Variants in NOS1 observed in about 807,000 individuals in gnomAD.
NOS1 encodes nitric oxide synthase 1, also known as NOS type I.
Under a neutral mutation model 164.5 loss-of-function variants are expected in NOS1, and 51 were observed. That is an observed-to-expected ratio of 0.31 (90% CI 0.25 to 0.39). NOS1 has a LOEUF of 0.39. NOS1 is among the 10% of genes least tolerant of loss of function. The pLI is 1.00. For missense variants in NOS1, 1,362 were observed against 1,885.6 expected, an observed-to-expected ratio of 0.72 and a Z score of 5.14; for synonymous variants, 719 against 745.8, an observed-to-expected ratio of 0.96 and a Z score of 0.59.
chr12:117,225,929 C>A (rs2135932552), intron 24 of NOS1, among the ~76,000 whole-genome samples: 1 of 152,276 alleles, frequency 6.6e-6, no homozygotes, highest in East Asian at 1.9e-4. Context: ...GCGCCCAGCC[C>A]AGAGCCACTG....
intron 2 of NOS1, among the ~76,000 whole-genome samples, chr12:117,312,081 C>T (rs143060470): frequency 4.6e-5 from 7 of 152,150 alleles, no homozygotes; most frequent in African/African-American, 1.7e-4. Flanking sequence ...CTAAGACTTT[C>T]GGCTTTGAAC....
intron 4 of NOS1, 104 bp downstream of exon 4, chr12:117,290,194 C>G: frequency 7.0e-7 from 1 of 1,420,276 alleles, no homozygotes; most frequent in East Asian, 2.4e-5. Flanking sequence ...GTGCTCAACA[C>G]CCTACAACAG....
At chr12:117,322,333 C>T (rs1875002242) in intron 2 of NOS1, among the ~76,000 whole-genome samples, 2 of 138,100 alleles carry the variant, frequency 1.4e-5, no homozygotes, top group Non-Finnish European at 3.1e-5. Flanking sequence ...TTCCCTCCTT[C>T]CTTCCCTCCC....
In NOS1 at chr12:117,209,642, T is replaced by C. The variant is rs998563659; in HGVS notation, c.*5667A>G. ...ACTCATATAAACATACTAAGGCATA[T>C]TGACAGCTGACCACCTCCCTCGCAC... is the stretch of plus-strand genomic sequence containing the variant. On this transcript the variant is annotated 3_prime_UTR_variant, in exon 29 of 29. Transcript: ENST00000317775. 6.1e-6 allele frequency: 6 copies of C among 985,368 alleles called. No individual in the cohort carries two copies. The African/African-American group carries it at 8.7e-5, about 14-fold the overall frequency. 61.0% of individuals were successfully genotyped at this position (985,368 alleles called of 1,614,324 possible). A position where few individuals can be genotyped will look rare whatever the true frequency, so the allele number is the denominator to read the frequency against.
chr12:117,311,712 G>A, intron 2 of NOS1, 120 bp from the exon 3 acceptor site: 1 of 1,090,266 alleles, frequency 9.2e-7, no homozygotes, highest in Non-Finnish European at 1.3e-6. Context: ...AACTCCATAT[G>A]AGCCAGCGAG....
Position 117,231,957 on chromosome 12 carries a change from C to T in NOS1, c.3405+5G>A. 6.2e-7 allele frequency: 1 copy of T among 1,610,562 alleles called. No homozygotes were observed. Among genetic ancestry groups the T allele is most frequent in the Non-Finnish European group, 8.5e-7 (1 of 1,178,760 alleles). ...CCTAGGGTTGTGCGAAGCCTGGGGA[C>T]CCACCTTGCTGAGGACCAGCAGACG... On this transcript the variant is annotated splice_donor_5th_base_variant and intron_variant, in intron 22 of 28. Transcript: ENST00000317775.
intron 12 of NOS1, 24 bp from the exon 13 acceptor site, chr12:117,263,998 TGGTCACTCACTGCAGTGA>T: frequency 1.3e-6 from 2 of 1,599,988 alleles, no homozygotes; most frequent in Non-Finnish European, 1.7e-6. Flanking sequence ...GAGAGGGCTA[TGGTCACTCACTGCAGTGA>T]GGGCATCTGG....
intron 2 of NOS1, among the ~76,000 whole-genome samples, chr12:117,318,651 G>T (rs1278499452): frequency 6.6e-6 from 1 of 152,200 alleles, no homozygotes; most frequent in Non-Finnish European, 1.5e-5. Context: ...TCCCCAGGAA[G>T]TTTGAAGGTG....
rs376833869 is a variant in NOS1, at chr12:117,231,974, C to A, written c.3393G>T (p.Leu1131=). The A allele has an allele frequency of 1.2e-6, 2 of 1,612,346 alleles. No homozygotes were observed. Among genetic ancestry groups the A allele is most frequent in the African/African-American group, 2.7e-5 (2 of 75,016 alleles). The part of the protein sequence containing the change: ...ATSEKEKQRL[L]VLSKGLQEYE... ...CCTGGGGACCCACCTTGCTGAGGACCAGCAGACGCTGCTTCTCCTTCTCGC... is the reference window on the plus strand; with the variant it reads ...CCTGGGGACCCACCTTGCTGAGGACAAGCAGACGCTGCTTCTCCTTCTCGC... The change falls in exon 22 of 29, where the codon CTG becomes CTT. Residue 1131 remains leucine, a synonymous_variant. Transcript: ENST00000317775.
intron 2 of NOS1, among the ~76,000 whole-genome samples, chr12:117,322,980 T>C (rs929427925): frequency 6.6e-6 from 1 of 151,704 alleles, no homozygotes; most frequent in African/African-American, 2.4e-5. Flanking sequence ...ATGTGGTGCT[T>C]AAATGGTGAG....
At chr12:117,342,610 G>T (rs1239274239) in intron 1 of NOS1, among the ~76,000 whole-genome samples, 3 of 152,110 alleles carry the variant, frequency 2.0e-5, no homozygotes, top group Admixed American at 2.0e-4. Context: ...ATCAGGGGCT[G>T]GATCATCAGG....
At position 117,286,219 on chromosome 12, in the gene NOS1, T is replaced by C; in HGVS notation, c.1175A>G (p.Glu392Gly). The C allele has an allele frequency of 6.2e-7, 1 of 1,614,210 alleles. No homozygotes were observed. Residue 392 changes from glutamate (E) to glycine (G), a missense_variant, in exon 6 of 29, where the codon GAG (glutamate) becomes GGG (glycine). Transcript: ENST00000317775. ...HMERLEEVNK[E>G]IDTTSTYQLK... is the part of the protein sequence containing the mutation. ...CTGGTAAGTGCTAGTGGTGTCGATC[T>C]CTTTGTTCACCTCTTCCAGCCTTTC...
intron 8 of NOS1, among the ~76,000 whole-genome samples, chr12:117,278,504 G>A (rs949014017): frequency 6.6e-6 from 1 of 152,152 alleles, no homozygotes; most frequent in Non-Finnish European, 1.5e-5. Context: ...TCTGCAGGCT[G>A]CCAGCTCTGT....
chr12:117,258,005 A>G (rs1159369845), intron 16 of NOS1, among the ~76,000 whole-genome samples: 1 of 151,656 alleles, frequency 6.6e-6, no homozygotes, highest in Admixed American at 6.6e-5. Context: ...GGGTTTCACC[A>G]TGTTGGCCAG....
intron 8 of NOS1, among the ~76,000 whole-genome samples, chr12:117,280,105 C>T (rs747300884): frequency 7.2e-5 from 11 of 152,194 alleles, no homozygotes; most frequent in Non-Finnish European, 1.3e-4. Context: ...GCTACCATAT[C>T]TTACCTGTGC....
intron 1 of NOS1, among the ~76,000 whole-genome samples, chr12:117,338,096 G>C (rs1429057614): frequency 1.3e-5 from 2 of 151,796 alleles, no homozygotes; most frequent in Non-Finnish European, 2.9e-5. Context: ...AGGCACCTGT[G>C]ATCCCAGCTG....
rs117231836 is a variant in NOS1 at position 117,313,889 on chromosome 12, C to T, written c.726-2297G>A. Among the ~76,000 whole-genome samples, 177 of 152,360 alleles carry T rather than the reference C, an allele frequency of 1.2e-3. 1 individual carries two copies. Among genetic ancestry groups the T allele is most frequent in the Non-Finnish European group, 1.9e-3 (130 of 68,036 alleles). ...TTCCCTAACTGGGCAATGCAGCTTG[C>T]CCTGTGGCTCATCTTGGTTTGGGTC... On this transcript the variant is annotated intron_variant, in intron 2 of 28. Transcript: ENST00000317775.
chr12:117,303,239 A>G (rs1467619615), intron 3 of NOS1, among the ~76,000 whole-genome samples: 1 of 152,132 alleles, frequency 6.6e-6, no homozygotes, highest in Non-Finnish European at 1.5e-5. Flanking sequence ...AGTTGGTGTC[A>G]TCCTGGTGAC....
At chr12:117,247,592 G>C in intron 17 of NOS1, 70 bp from the exon 18 acceptor site, 1 of 1,383,482 alleles carries the variant, frequency 7.2e-7, no homozygotes, top group Non-Finnish European at 9.8e-7. Context: ...TGGTGTAATG[G>C]GCTAAACTGT....
Sources: gnomAD v4.1 joint callset for allele counts (sites outside exome capture counted in the v4.1 genomes callset) on GRCh38, gnomAD v4.1.1 for gene constraint, MANE v1.5 for transcripts, NCBI Gene and HGNC (gene_info 2026-07-23, HGNC 2026-07-21) for gene names.